Variants in ATAD3B observed in about 807,000 individuals in gnomAD.
The protein encoded by ATAD3B is ATPase family AAA domain containing 3B, also known as ATPase family AAA domain-containing protein 3B.
A neutral mutation model predicts 70.2 loss-of-function variants in ATAD3B; 59 were observed. That is an observed-to-expected ratio of 0.84 (90% CI 0.68 to 1.04). ATAD3B has a LOEUF of 1.04. Ranked by LOEUF, ATAD3B falls within the 50% of genes least tolerant of loss-of-function variation. The probability of loss-of-function intolerance (pLI) is 0.00; values close to 1 mark genes in which losing one functional copy is unlikely to be tolerated. For synonymous variants in ATAD3B, 423 were observed against 388.6 expected, an observed-to-expected ratio of 1.09 and a Z score of -1.04; for missense variants, 961 against 913.4, an observed-to-expected ratio of 1.05 and a Z score of -0.67.
the ATAD3B span, among the ~76,000 whole-genome samples, chr1:1,504,321 A>G: frequency 6.6e-6 from 1 of 151,954 alleles, no homozygotes; most frequent in Non-Finnish European, 1.5e-5. Flanking sequence ...GGCGGGGTTC[A>G]CATGTTGCCT....
chr1:1,473,429 C>G (rs911849036), intron 1 of ATAD3B, among the ~76,000 whole-genome samples: 1 of 151,778 alleles, frequency 6.6e-6, no homozygotes, highest in African/African-American at 2.4e-5. Context: ...TGGTCTCGAT[C>G]TCCTGACCTC....
the ATAD3B span, among the ~76,000 whole-genome samples, chr1:1,506,207 C>T: frequency 2.0e-5 from 3 of 152,074 alleles, no homozygotes; most frequent in Non-Finnish European, 2.9e-5. Flanking sequence ...TGTCTTGCAG[C>T]CTGGGTGACA....
intron 15 of ATAD3B, among the ~76,000 whole-genome samples, chr1:1,493,772 C>T (rs772895007): frequency 6.6e-6 from 1 of 151,898 alleles, no homozygotes; most frequent in Admixed American, 6.6e-5. Flanking sequence ...AGGAATGAAT[C>T]CTGCTTGGTT....
rs941369203 is a variant in ATAD3B, at chr1:1,484,820, A to G, written c.751-196A>G. The G allele has an allele frequency of 3.4e-4, 465 of 1,379,710 alleles. 4 individuals are homozygous for G. The highest frequency in any genetic ancestry group is 1.6e-3 in the Middle Eastern group (6 of 3,746). 85.5% of individuals were successfully genotyped at this position (1,379,710 alleles called of 1,614,324 possible). On this transcript the variant is annotated intron_variant, in intron 7 of 15. Coordinates refer to ENST00000673477, the MANE Select transcript of ATAD3B (RefSeq NM_031921.6). Reference sequence around the variant, plus strand: ...GAAAATGGCCCTGAGTGAGGGCGTTATGACTGCCCCACCTGCCTCCTGTAA... The same window carrying G: ...GAAAATGGCCCTGAGTGAGGGCGTTGTGACTGCCCCACCTGCCTCCTGTAA...
rs553647042 is a variant in ATAD3B, at chr1:1,475,746, A to G, written c.206-1528A>G. The stretch of plus-strand genomic sequence containing the variant: ...ACGCGCTGGGACGCACGTCCCTGGC[A>G]CAGGGTCACACCAAAGTGGTGAATG... On this transcript the variant is annotated intron_variant, in intron 1 of 15. Transcript: ENST00000673477. 2.0e-4 allele frequency among the ~76,000 whole-genome samples: 31 copies of G among 151,964 alleles called. 1 individual carries two copies. In the South Asian group the frequency reaches 3.1e-3, roughly 15 times the overall value.
At chr1:1,473,685 G>A (rs1476796419) in intron 1 of ATAD3B, among the ~76,000 whole-genome samples, 3 of 151,314 alleles carry the variant, frequency 2.0e-5, no homozygotes, top group Non-Finnish European at 4.4e-5. Flanking sequence ...TAGTAGAGAC[G>A]TGGTTTCACC....
chr1:1,509,396 T>C, the ATAD3B span: 28 of 1,600,534 alleles, frequency 1.7e-5, no homozygotes, highest in Non-Finnish European at 2.3e-5. Context: ...CGCGGACCCC[T>C]CCCACCCCTG....
intron 13 of ATAD3B, chr1:1,490,042 G>A: frequency 7.2e-7 from 1 of 1,397,880 alleles, no homozygotes; most frequent in South Asian, 1.5e-5. Flanking sequence ...AAGAACAGAG[G>A]CCCGAGAAGC....
rs181730304 is a variant in ATAD3B at position 1,482,526 on chromosome 1, A to G, written c.681-19A>G. On this transcript the variant is annotated intron_variant, in intron 6 of 15. Transcript: ENST00000673477. ...GGATCTTCGTGTCCTTCCTGGTCAC[A>G]CCACTGCTTTCCCCGCAGGACGGCT... The G allele has an allele frequency of 1.7e-4, 271 of 1,613,362 alleles. 2 individuals carry two copies. The African/African-American group carries it at 3.3e-3, about 20-fold the overall frequency.
rs775076916 is a variant in ATAD3B, at chr1:1,495,667, C to T, written c.1797C>T (p.Ala599=). 1.9e-6 allele frequency: 3 copies of T among 1,612,920 alleles called. No homozygotes were observed. The South Asian group carries it at 3.3e-5, about 18-fold the overall frequency. ...QGETLTSWSL[A]TDPSYPCLAG... ...AGACCCTCACCTCATGGAGCCTGGCCACGGACCCCTCCTACCCCTGCCTTG... is the reference window on the plus strand; with the variant it reads ...AGACCCTCACCTCATGGAGCCTGGCTACGGACCCCTCCTACCCCTGCCTTG... The change falls in exon 16 of 16, where the codon GCC becomes GCT. Residue 599 remains alanine (A), a synonymous_variant. Transcript: ENST00000673477.
chr1:1,488,844 A>T (rs1328450221), intron 12 of ATAD3B, among the ~76,000 whole-genome samples: 15 of 151,042 alleles, frequency 9.9e-5, no homozygotes, highest in Middle Eastern at 3.4e-3. Context: ...CTTTTTTTTT[A>T]AATGTATTTT....
chr1:1,478,363 C>G, intron 2 of ATAD3B: 2 of 1,422,696 alleles, frequency 1.4e-6, no homozygotes, highest in East Asian at 2.5e-5. Context: ...TGAGCACCTG[C>G]CTGGAGCTGC....
the ATAD3B span, chr1:1,509,419 C>T: frequency 5.6e-6 from 9 of 1,596,768 alleles, 1 homozygote; most frequent in East Asian, 4.5e-5. Context: ...TTTGCGGCCC[C>T]GCACATTTAG....
In ATAD3B at chr1:1,480,623, C is replaced by T. The variant is rs914949163; in HGVS notation, c.445-244C>T. The stretch of plus-strand genomic sequence containing the variant: ...GAGGTCGGCCCGCGGTGGCCCTTGT[C>T]AGGGAAGCCACAGTGGGGGCTGTTT... On this transcript the variant is annotated intron_variant, in intron 4 of 15. Transcript: ENST00000673477. Among the ~76,000 whole-genome samples, 4 of 147,306 alleles carry T rather than the reference C, an allele frequency of 2.7e-5. 1 individual carries two copies. Among genetic ancestry groups the T allele is most frequent in the Non-Finnish European group, 6.0e-5 (4 of 67,114 alleles).
At chr1:1,502,107 G>A (rs1031641637), downstream of ATAD3B, among the ~76,000 whole-genome samples, 1 of 152,008 alleles carries the variant, frequency 6.6e-6, no homozygotes, top group Non-Finnish European at 1.5e-5. Flanking sequence ...TTGAACTCCT[G>A]ACCTCAGGTG....
In ATAD3B at chr1:1,485,094, G is replaced by T. The variant is rs752080336; in HGVS notation, c.829G>T (p.Ala277Ser). 5 of 1,610,502 alleles carry T rather than the reference G, an allele frequency of 3.1e-6. No homozygotes were observed. In the South Asian group the frequency reaches 4.4e-5, roughly 14 times the overall value. ...AGCCGTCACTGGCCGCTTCATCGAG[G>T]CTCGGCTGGGGAAGCCGTCCCTAGT... is the stretch of plus-strand genomic sequence containing the variant. ...ATAVTGRFIE[A>S]RLGKPSLVRE... The change falls in exon 8 of 16, where the codon GCT becomes TCT. Residue 277 changes from alanine to serine, a missense_variant. Coordinates refer to ENST00000673477, the MANE Select transcript of ATAD3B (RefSeq NM_031921.6).
chr1:1,479,683 T>A (rs1153104), intron 4 of ATAD3B, among the ~76,000 whole-genome samples: 1 of 136,168 alleles, frequency 7.3e-6, no homozygotes, highest in East Asian at 2.3e-4. Flanking sequence ...ACATGGGTCC[T>A]CAGGCACACA....
At chr1:1,500,774 A>G (rs1206718225), downstream of ATAD3B, among the ~76,000 whole-genome samples, 2 of 151,028 alleles carry the variant, frequency 1.3e-5, no homozygotes, top group African/African-American at 2.4e-5. Context: ...TAACAGGGTG[A>G]AACCCCGTCT....
rs984021336 is a variant in ATAD3B at position 1,489,870 on chromosome 1, C to G, written c.1338-387C>G. On this transcript the variant is annotated intron_variant, in intron 13 of 15. Coordinates refer to ENST00000673477, the MANE Select transcript of ATAD3B (RefSeq NM_031921.6). ...TGAGCCTCTGCTGAACCCGGGCCCC[C>G]GAGGTCCTGCTTCTGGCTCGCATGG... is the stretch of plus-strand genomic sequence containing the variant. 1.5e-4 allele frequency: 180 copies of G among 1,216,446 alleles called. 3 individuals are homozygous for G. The highest frequency in any genetic ancestry group is 1.8e-4 in the Admixed American group (5 of 28,042). 75.4% of individuals were successfully genotyped at this position (1,216,446 alleles called of 1,614,324 possible).
Sources: allele counts gnomAD v4.1 joint callset (sites outside exome capture counted in the v4.1 genomes callset), GRCh38; gene constraint gnomAD v4.1.1; transcripts MANE v1.5; gene names NCBI Gene and HGNC (gene_info 2026-07-23, HGNC 2026-07-21).